Variants in CLPTM1 observed in about 807,000 individuals in gnomAD.
CLPTM1 encodes the protein CLPTM1 regulator of GABA type A receptor forward trafficking, also known as putative lipid scramblase CLPTM1.
CLPTM1 carries 21 observed loss-of-function variants against 77.3 expected under a neutral mutation model. That is an observed-to-expected ratio of 0.27 (90% CI 0.19 to 0.39). The LOEUF is 0.39. Among genes scored for constraint, CLPTM1 ranks in the 10% least tolerant of loss-of-function variants. CLPTM1 has a pLI of 1.00. For synonymous variants in CLPTM1, 373 were observed against 381.0 expected (o/e 0.98, Z 0.24); for missense variants, 642 against 921.2 (o/e 0.70, Z 3.92).
chr19:44,991,321 G>A lies in CLPTM1; in HGVS notation c.1503G>A (p.Lys501=). ...ACAGTCTTCTGTACCTGGAGCACAA[G>A]GGCTGGTACTCCTGGGTGCTCAGCA... ...AVYSLLYLEH[K]GWYSWVLSML... is the part of the protein sequence containing the mutation. Residue 501 remains lysine, a synonymous_variant, in exon 12 of 14, where the codon AAG becomes AAA. Transcript: ENST00000337392. This position sits in a 1 kb window ranked among gnomAD's most constrained non-coding sequence, Gnocchi z 5.4. 1 of 1,614,010 alleles carries A rather than the reference G, an allele frequency of 6.2e-7. No individual in the cohort carries two copies. Among genetic ancestry groups the A allele is most frequent in the East Asian group, 2.2e-5 (1 of 44,888 alleles).
At chr19:44,964,359 G>A (rs1970594462) in intron 2 of CLPTM1, among the ~76,000 whole-genome samples, 1 of 127,006 alleles carries the variant, frequency 7.9e-6, no homozygotes, top group South Asian at 2.7e-4. Flanking sequence ...CACCCAGGCT[G>A]GAGTGCAGTA....
chr19:44,972,960 G>T (rs1970745130), intron 2 of CLPTM1, 127 bp from the exon 3 acceptor site: 6 of 1,310,664 alleles, frequency 4.6e-6, no homozygotes, highest in Non-Finnish European at 5.3e-6. Flanking sequence ...CCTTCTCAGG[G>T]CCTCCCTGAC....
At chr19:44,987,469 C>T (rs528222489) in intron 8 of CLPTM1, 46 bp downstream of exon 8, 41 of 1,603,622 alleles carry the variant, frequency 2.6e-5, no homozygotes, top group Admixed American at 8.4e-5. Context: ...CCTTCCTGGG[C>T]GCAAGAGGCC....
intron 2 of CLPTM1, among the ~76,000 whole-genome samples, chr19:44,964,187 C>T (rs146282194): frequency 5.6e-4 from 84 of 151,288 alleles, no homozygotes; most frequent in Middle Eastern, 3.4e-3. Flanking sequence ...AATCTAGTCA[C>T]GGTGGTACTG....
Position 44,991,019 on chromosome 19 carries a change from C to A in CLPTM1, c.1419+74C>A. 1 of 1,366,550 alleles carries A rather than the reference C, an allele frequency of 7.3e-7. No individual in the cohort carries two copies. Among genetic ancestry groups the A allele is most frequent in the Non-Finnish European group, 1.0e-6 (1 of 967,508 alleles). 84.7% of individuals were successfully genotyped at this position (1,366,550 alleles called of 1,614,324 possible). On this transcript the variant is annotated intron_variant, in intron 11 of 13. Coordinates refer to ENST00000337392, the MANE Select transcript of CLPTM1 (RefSeq NM_001294.4). The surrounding 1 kb of genome is among the most constrained non-coding windows in gnomAD (Gnocchi z 5.4). ...GTATCCCTGAGGCACCCGGGGCCGG[C>A]CATCTGTCTGCCGGACCCATGCTTT...
chr19:44,962,295 TG>T (rs964015648), intron 2 of CLPTM1, among the ~76,000 whole-genome samples: 1 of 152,104 alleles, frequency 6.6e-6, no homozygotes, highest in Non-Finnish European at 1.5e-5. Flanking sequence ...TTCTGGTTTT[TG>T]GGGGGCTACC....
intron 2 of CLPTM1, among the ~76,000 whole-genome samples, chr19:44,965,671 A>G (rs1233830895): frequency 1.4e-5 from 2 of 145,308 alleles, no homozygotes; most frequent in South Asian, 2.2e-4. Flanking sequence ...AAAATTAGCC[A>G]GGTGTGGTGG....
chr19:44,960,459 A>G (rs1427184987), intron 1 of CLPTM1, among the ~76,000 whole-genome samples: 1 of 152,202 alleles, frequency 6.6e-6, no homozygotes, highest in Non-Finnish European at 1.5e-5. Flanking sequence ...GATGTGCCCA[A>G]GGTGTCACAG....
rs979287706 is a variant in CLPTM1 at position 44,991,520 on chromosome 19, C to T, written c.1555+147C>T. ...TAGGGAGGCCCGAGGGCACACATGG[C>T]CCCATCTGGGGTCAGAGAGGACTTC... On this transcript the variant is annotated intron_variant, in intron 12 of 13. Coordinates refer to ENST00000337392, the MANE Select transcript of CLPTM1 (RefSeq NM_001294.4). The surrounding 1 kb of genome is among the most constrained non-coding windows in gnomAD (Gnocchi z 5.4). 1.1e-6 allele frequency: 1 copy of T among 900,696 alleles called. No individual in the cohort carries two copies. The highest frequency in any genetic ancestry group is 2.5e-5 in the Admixed American group (1 of 40,190). 55.8% of individuals were successfully genotyped at this position (900,696 alleles called of 1,614,324 possible). A position where few individuals can be genotyped will look rare whatever the true frequency, so the allele number is the denominator to read the frequency against.
At chr19:44,987,018 G>A in intron 7 of CLPTM1, 161 bp from the exon 8 acceptor site, 1 of 938,822 alleles carries the variant, frequency 1.1e-6, no homozygotes, top group Non-Finnish European at 1.6e-6. Context: ...CCTCTGCTGA[G>A]GTCAAGGCAC....
At position 44,990,744 on chromosome 19, in the gene CLPTM1, C is replaced by T; in HGVS notation, c.1324-106C>T. On this transcript the variant is annotated intron_variant, in intron 10 of 13. Coordinates refer to ENST00000337392, the MANE Select transcript of CLPTM1 (RefSeq NM_001294.4). The surrounding 1 kb of genome is among the most constrained non-coding windows in gnomAD (Gnocchi z 4.8). ...TCACCAGGGGATTTTTTGGGTCACACATGGGGCAGGGGAACTGGGAACGGT... is the reference window on the plus strand; with the variant it reads ...TCACCAGGGGATTTTTTGGGTCACATATGGGGCAGGGGAACTGGGAACGGT... 1.5e-6 allele frequency: 2 copies of T among 1,296,026 alleles called. No homozygotes were observed. The highest frequency in any genetic ancestry group is 2.2e-6 in the Non-Finnish European group (2 of 910,500). 80.3% of individuals were successfully genotyped at this position (1,296,026 alleles called of 1,614,324 possible).
In CLPTM1 at chr19:44,990,684, G is replaced by T; in HGVS notation, c.1323+99G>T. 7.0e-7 allele frequency: 1 copy of T among 1,433,178 alleles called. No individual in the cohort carries two copies. Among genetic ancestry groups the T allele is most frequent in the Non-Finnish European group, 9.7e-7 (1 of 1,033,728 alleles). 88.8% of individuals were successfully genotyped at this position (1,433,178 alleles called of 1,614,324 possible). On this transcript the variant is annotated intron_variant, in intron 10 of 13. Transcript: ENST00000337392. The surrounding 1 kb of genome is among the most constrained non-coding windows in gnomAD (Gnocchi z 4.8). ...GGAGCTGGCCCCCGGGGGATTCCCA[G>T]CAAGTGCCTCACTCCCAGGACTGAG...
intron 2 of CLPTM1, among the ~76,000 whole-genome samples, chr19:44,971,182 G>A (rs1488009224): frequency 6.6e-6 from 1 of 152,030 alleles, no homozygotes. Context: ...TTGCCTGAAG[G>A]TTTGGTAACC....
intron 5 of CLPTM1, among the ~76,000 whole-genome samples, chr19:44,981,475 T>C (rs761845102): frequency 6.6e-6 from 1 of 152,056 alleles, no homozygotes; most frequent in East Asian, 1.9e-4. Flanking sequence ...CAACCTGTAG[T>C]GTCCTCCGAC....
chr19:44,985,592 C>T (rs1220574383), intron 6 of CLPTM1, among the ~76,000 whole-genome samples: 1 of 152,216 alleles, frequency 6.6e-6, no homozygotes, highest in African/African-American at 2.4e-5. Flanking sequence ...TGCTCAGTCT[C>T]AGCCGGAAGT....
At chr19:44,980,508 C>CAAAAAAA (rs74516090) in intron 5 of CLPTM1, among the ~76,000 whole-genome samples, 1 of 93,092 alleles carries the variant, frequency 1.1e-5, no homozygotes. Context: ...GACTCCATCT[C>CAAAAAAA]AAAAAAAAAA....
intron 4 of CLPTM1, among the ~76,000 whole-genome samples, chr19:44,975,604 A>G (rs1186004050): frequency 6.6e-6 from 1 of 151,256 alleles, no homozygotes; most frequent in African/African-American, 2.4e-5. Flanking sequence ...TCGCTCTGTC[A>G]CCCAGTCTGG....
chr19:44,990,471 A>T lies in CLPTM1; in HGVS notation c.1209A>T (p.Ser403=), dbSNP rs1568390356. Residue 403 remains serine (S), a synonymous_variant, in exon 10 of 14, where the codon TCA becomes TCT. Transcript: ENST00000337392. The surrounding 1 kb of genome is among the most constrained non-coding windows in gnomAD (Gnocchi z 4.8). ...CCGTCTTCTTCGGCGTTTTCCAGTC[A>T]TTCGTGGTCCTCCTCTACATCCTGG... The part of the protein sequence containing the change: ...VRSVFFGVFQ[S]FVVLLYILDN... The T allele has an allele frequency of 1.9e-6, 3 of 1,614,042 alleles. No homozygotes were observed. The highest frequency in any genetic ancestry group is 2.5e-6 in the Non-Finnish European group (3 of 1,179,978).
chr19:44,966,730 G>T (rs941952560), intron 2 of CLPTM1, among the ~76,000 whole-genome samples: 2 of 152,082 alleles, frequency 1.3e-5, no homozygotes, highest in African/African-American at 4.8e-5. Flanking sequence ...TGTCAACTGA[G>T]GGGTGCAGGA....
Sources: gnomAD v4.1 joint callset for allele counts (sites outside exome capture counted in the v4.1 genomes callset) on GRCh38, gnomAD v4.1.1 for gene constraint, Gnocchi (gnomAD v3.1) non-coding constraint, MANE v1.5 for transcripts, NCBI Gene and HGNC (gene_info 2026-07-23, HGNC 2026-07-21) for gene names.